TAFA5: variants seen among roughly 807,000 people sequenced by gnomAD.
TAFA5 encodes TAFA chemokine like family member 5.
Under a neutral mutation model 15.3 loss-of-function variants are expected in TAFA5, and 6 were observed. That is an observed-to-expected ratio of 0.39 (90% confidence interval 0.21 to 0.77). TAFA5 has a LOEUF of 0.77. Ranked by LOEUF, TAFA5 falls within the 30% of genes least tolerant of loss-of-function variation. The probability of loss-of-function intolerance (pLI) is 0.41; values close to 1 mark genes in which losing one functional copy is unlikely to be tolerated. For synonymous variants in TAFA5, 103 were observed against 80.7 expected, an observed-to-expected ratio of 1.28 and a Z score of -1.48; for missense variants, 161 against 193.1, an observed-to-expected ratio of 0.83 and a Z score of 0.98.
chr22:48,635,908 G>A (rs1276218677), intron 1 of TAFA5, among the ~76,000 whole-genome samples: 2 of 152,200 alleles, frequency 1.3e-5, no homozygotes, highest in Non-Finnish European at 2.9e-5. Context: ...TGCTTCTGTC[G>A]GATTTCACAG....
intron 1 of TAFA5, among the ~76,000 whole-genome samples, chr22:48,586,194 C>T (rs1258291510): frequency 6.6e-6 from 1 of 152,268 alleles, no homozygotes; most frequent in Non-Finnish European, 1.5e-5. Flanking sequence ...GTGCAGATCC[C>T]AGAGGATAGC....
intron 1 of TAFA5, among the ~76,000 whole-genome samples, chr22:48,635,804 G>T (rs1032164844): frequency 6.6e-6 from 1 of 152,218 alleles, no homozygotes; most frequent in Non-Finnish European, 1.5e-5. Context: ...AACCACAGAC[G>T]CTCTGGCTTG....
intron 1 of TAFA5, among the ~76,000 whole-genome samples, chr22:48,636,174 G>T (rs1303573678): frequency 1.3e-5 from 2 of 152,220 alleles, no homozygotes; most frequent in Non-Finnish European, 2.9e-5. Context: ...AGCTGGCCAG[G>T]TCGCTTCAGT....
At chr22:48,657,969 T>C (rs1050034819) in intron 2 of TAFA5, among the ~76,000 whole-genome samples, 1 of 152,234 alleles carries the variant, frequency 6.6e-6, no homozygotes, top group Non-Finnish European at 1.5e-5. Flanking sequence ...TTGCCTCATC[T>C]TACATATGTT....
intron 1 of TAFA5, chr22:48,543,225 T>G (rs958095920): frequency 6.6e-6 from 1 of 152,148 alleles, no homozygotes; most frequent in African/African-American, 2.4e-5. Flanking sequence ...CTTTGGCCCT[T>G]ATTACCAATC....
intron 1 of TAFA5, among the ~76,000 whole-genome samples, chr22:48,511,440 G>T (rs1921207497): frequency 6.6e-6 from 1 of 152,182 alleles, no homozygotes; most frequent in Non-Finnish European, 1.5e-5. Context: ...CTCCCAGGGG[G>T]AGGGGAGGCT....
intron 1 of TAFA5, among the ~76,000 whole-genome samples, chr22:48,610,648 G>A (rs1925369676): frequency 6.6e-6 from 1 of 150,950 alleles, no homozygotes; most frequent in Non-Finnish European, 1.5e-5. Context: ...AGGGCTTCGG[G>A]CCGTGTTGAG....
At position 48,649,380 on chromosome 22, in the gene TAFA5, C is replaced by T. The variant is rs532545485; in HGVS notation, c.262+2634C>T. 1.9e-3 allele frequency among the ~76,000 whole-genome samples: 296 copies of T among 152,226 alleles called. 1 individual carries two copies. The highest frequency in any genetic ancestry group is 3.2e-3 in the Non-Finnish European group (221 of 68,010). On this transcript the variant is annotated intron_variant, in intron 2 of 3. Transcript: ENST00000402357. The stretch of plus-strand genomic sequence containing the variant: ...TTGGCACTTGGGAGGGAGAGTGTGG[C>T]GCGAGAGGCTGAGCTTGCTGGAGTG...
chr22:48,639,588 C>T (rs1926599527), intron 1 of TAFA5, among the ~76,000 whole-genome samples: 1 of 152,290 alleles, frequency 6.6e-6, no homozygotes, highest in East Asian at 1.9e-4. Flanking sequence ...TGAGTGGCTC[C>T]CTTTGTCACA....
At chr22:48,712,752 G>A (rs1288759807) in intron 3 of TAFA5, among the ~76,000 whole-genome samples, 4 of 152,192 alleles carry the variant, frequency 2.6e-5, no homozygotes, top group Admixed American at 6.5e-5. Context: ...CGCCACTCTG[G>A]CTCCTGCTCC....
chr22:48,674,357 G>T (rs572242150), intron 2 of TAFA5, among the ~76,000 whole-genome samples: 1 of 152,168 alleles, frequency 6.6e-6, no homozygotes, highest in South Asian at 2.1e-4. Context: ...TTCCTTTCTG[G>T]CACCCGTCCA....
At chr22:48,736,738 A>G (rs1298859381) in intron 3 of TAFA5, among the ~76,000 whole-genome samples, 1 of 152,232 alleles carries the variant, frequency 6.6e-6, no homozygotes, top group African/African-American at 2.4e-5. Context: ...CCAGTCACCG[A>G]AGTCTGCCCT....
At chr22:48,728,615 A>C (rs1929774280) in intron 3 of TAFA5, among the ~76,000 whole-genome samples, 1 of 152,238 alleles carries the variant, frequency 6.6e-6, no homozygotes, top group African/African-American at 2.4e-5. Flanking sequence ...CATAGAAATA[A>C]CACACGGTAT....
intron 2 of TAFA5, among the ~76,000 whole-genome samples, chr22:48,695,767 G>C (rs1289968384): frequency 6.6e-6 from 1 of 152,216 alleles, no homozygotes; most frequent in Non-Finnish European, 1.5e-5. Flanking sequence ...GACTCTTTGA[G>C]AGATTGGCTG....
chr22:48,671,287 C>T (rs1371217038), intron 2 of TAFA5, among the ~76,000 whole-genome samples: 1 of 152,238 alleles, frequency 6.6e-6, no homozygotes, highest in Non-Finnish European at 1.5e-5. Flanking sequence ...GTGCAGGGAG[C>T]ACCGAACGGA....
intron 1 of TAFA5, among the ~76,000 whole-genome samples, chr22:48,603,249 G>T (rs139322842): frequency 6.6e-6 from 1 of 152,236 alleles, no homozygotes; most frequent in Non-Finnish European, 1.5e-5. Flanking sequence ...GTTCCGGTAG[G>T]GGGAGGGCTT....
intron 1 of TAFA5, among the ~76,000 whole-genome samples, chr22:48,505,042 AGTGTCTCCAGGCATTCG>A (rs1920980513): frequency 1.3e-5 from 2 of 152,210 alleles, no homozygotes; most frequent in Admixed American, 1.3e-4. Context: ...GAAGTAGGTC[AGTGTCTCCAGGCATTCG>A]GGCACCCATC....
chr22:48,530,560 C>A lies in TAFA5; in HGVS notation c.112+40856C>A, dbSNP rs1921937419. Among the ~76,000 whole-genome samples, 2 of 152,176 alleles carry A rather than the reference C, an allele frequency of 1.3e-5. No individual in the cohort carries two copies. Among genetic ancestry groups the A allele is most frequent in the Admixed American group, 1.3e-4 (2 of 15,298 alleles). ...AGTGGAAAGCAGGTGGACAGGGCTC[C>A]TCCCGTCTCCTCCCCTGCTAGAGGG... is the stretch of plus-strand genomic sequence containing the variant. On this transcript the variant is annotated intron_variant, in intron 1 of 3. Coordinates refer to ENST00000402357, the MANE Select transcript of TAFA5 (RefSeq NM_001082967.3). The surrounding 1 kb of genome is among the most constrained non-coding windows in gnomAD (Gnocchi z 6.0).
intron 1 of TAFA5, among the ~76,000 whole-genome samples, chr22:48,615,564 A>C (rs550467919): frequency 6.6e-6 from 1 of 152,218 alleles, no homozygotes; most frequent in Admixed American, 6.5e-5. Context: ...GTGGTCATAA[A>C]TAAATCCCTT....
Sources: allele counts gnomAD v4.1 joint callset (sites outside exome capture counted in the v4.1 genomes callset), GRCh38; gene constraint gnomAD v4.1.1; non-coding constraint Gnocchi (gnomAD v3.1); transcripts MANE v1.5; gene names NCBI Gene and HGNC (gene_info 2026-07-23, HGNC 2026-07-21).